Variants in ZBTB16 observed in about 807,000 individuals in gnomAD.
The protein encoded by ZBTB16 is zinc finger and BTB domain-containing protein 16.
ZBTB16 carries 8 observed loss-of-function variants against 56.8 expected under a neutral mutation model. That is an observed-to-expected ratio of 0.14 (90% CI 0.08 to 0.25). ZBTB16 has a LOEUF of 0.25. Ranked by LOEUF, ZBTB16 falls within the 10% of genes least tolerant of loss-of-function variation. The pLI is 1.00. For missense variants in ZBTB16, 625 were observed against 903.0 expected (o/e 0.69, Z 3.95); for synonymous variants, 363 against 368.5 (o/e 0.98, Z 0.17).
chr11:114,199,607 G>GC (rs1943688632), intron 4 of ZBTB16, among the ~76,000 whole-genome samples: 2 of 152,242 alleles, frequency 1.3e-5, no homozygotes, highest in Non-Finnish European at 2.9e-5. Context: ...TCCTGGCTCT[G>GC]CTATGGACTT....
intron 2 of ZBTB16, among the ~76,000 whole-genome samples, chr11:114,104,719 G>C (rs907370660): frequency 6.6e-6 from 1 of 152,216 alleles, no homozygotes; most frequent in Non-Finnish European, 1.5e-5. Flanking sequence ...TGCGAAATAG[G>C]AAACATCATT....
rs79664299 is a variant in ZBTB16 at position 114,115,118 on chromosome 11, A to C, written c.1269-41219A>C. 2.3e-3 allele frequency among the ~76,000 whole-genome samples: 344 copies of C among 152,158 alleles called. 6 individuals carry two copies. In the East Asian group the frequency reaches 0.052, roughly 23 times the overall value. On this transcript the variant is annotated intron_variant, in intron 2 of 6. Transcript: ENST00000335953. ...TGTGTAAGGATGGAATATTGCTGCA[A>C]ACCTGTATACTTCTTTAATTTCTCT...
At chr11:114,073,117 C>T (rs1939411268) in intron 2 of ZBTB16, among the ~76,000 whole-genome samples, 1 of 151,068 alleles carries the variant, frequency 6.6e-6, no homozygotes, top group Admixed American at 6.6e-5. Flanking sequence ...TGGCTCCATG[C>T]TCTCTGCAGC....
At chr11:114,191,947 C>A (rs593038) in intron 4 of ZBTB16, among the ~76,000 whole-genome samples, 88,712 of 152,026 alleles carry the variant, frequency 0.58, 26,359 homozygotes, top group African/African-American at 0.67. Context: ...TCTTGTGTTG[C>A]GGACTGACCA....
At chr11:114,168,831 T>A (rs1380255296) in intron 3 of ZBTB16, among the ~76,000 whole-genome samples, 1 of 152,232 alleles carries the variant, frequency 6.6e-6, no homozygotes, top group East Asian at 1.9e-4. Flanking sequence ...AGTAATTGGC[T>A]GCTGCCTGTG....
At chr11:114,198,184 A>T (rs1943650296) in intron 4 of ZBTB16, among the ~76,000 whole-genome samples, 1 of 152,192 alleles carries the variant, frequency 6.6e-6, no homozygotes, top group Non-Finnish European at 1.5e-5. Context: ...TATAAATATC[A>T]GAGGTGATTT....
chr11:114,235,805 T>TG (rs1230724676), intron 4 of ZBTB16, among the ~76,000 whole-genome samples: 2 of 150,094 alleles, frequency 1.3e-5, no homozygotes, highest in East Asian at 3.9e-4. Context: ...TTTTTTTTTT[T>TG]GCTAAAATTA....
At chr11:114,085,328 A>G (rs574134742) in intron 2 of ZBTB16, among the ~76,000 whole-genome samples, 1 of 152,344 alleles carries the variant, frequency 6.6e-6, no homozygotes, top group African/African-American at 2.4e-5. Flanking sequence ...TGGTTCGAGG[A>G]GGTCCCCCAA....
chr11:114,227,933 T>C (rs2135164617), intron 4 of ZBTB16, among the ~76,000 whole-genome samples: 1 of 152,314 alleles, frequency 6.6e-6, no homozygotes, highest in African/African-American at 2.4e-5. Context: ...ATTAGCATTG[T>C]CATGCAACCA....
intron 2 of ZBTB16, among the ~76,000 whole-genome samples, chr11:114,133,172 C>T (rs946854519): frequency 3.3e-5 from 5 of 152,026 alleles, no homozygotes; most frequent in African/African-American, 1.2e-4. Flanking sequence ...TGACTGGTGT[C>T]CTGCCTCGCT....
At chr11:114,105,089 A>G (rs1338520677) in intron 2 of ZBTB16, among the ~76,000 whole-genome samples, 1 of 152,212 alleles carries the variant, frequency 6.6e-6, no homozygotes, top group African/African-American at 2.4e-5. Context: ...TGTTAGGTAG[A>G]CATAGTGGTA....
chr11:114,124,746 TC>T (rs1941455479), intron 2 of ZBTB16, among the ~76,000 whole-genome samples: 1 of 152,170 alleles, frequency 6.6e-6, no homozygotes, highest in Admixed American at 6.5e-5. Flanking sequence ...TGAAAATCTC[TC>T]CGTTCTAATG....
chr11:114,180,081 G>A (rs765020672), intron 3 of ZBTB16, among the ~76,000 whole-genome samples: 5 of 152,188 alleles, frequency 3.3e-5, no homozygotes, highest in East Asian at 3.8e-4. Flanking sequence ...CCTCAGTCCC[G>A]CCTCTGGCAT....
chr11:114,150,228 C>T (rs748668092), intron 2 of ZBTB16, among the ~76,000 whole-genome samples: 9 of 152,140 alleles, frequency 5.9e-5, no homozygotes, highest in African/African-American at 9.7e-5. Context: ...GGAACATTCC[C>T]CAGAGTATCC....
At chr11:114,243,015 C>G (rs1231883324) in intron 5 of ZBTB16, among the ~76,000 whole-genome samples, 1 of 152,192 alleles carries the variant, frequency 6.6e-6, no homozygotes. Context: ...CCATTCCCTG[C>G]CACCAGCCTC....
chr11:114,209,870 G>A, intron 4 of ZBTB16: 2 of 985,378 alleles, frequency 2.0e-6, no homozygotes, highest in Non-Finnish European at 2.4e-6. Context: ...TTGTTGAGGG[G>A]ACCCCATATT....
At chr11:114,156,238 A>G (rs1316456969) in intron 2 of ZBTB16, 99 bp from the exon 3 acceptor site, 1 of 1,199,246 alleles carries the variant, frequency 8.3e-7, no homozygotes, top group African/African-American at 1.5e-5. Flanking sequence ...TCCGCCTGTC[A>G]CCTGCCAGAG....
intron 2 of ZBTB16, among the ~76,000 whole-genome samples, chr11:114,071,031 C>T (rs906534279): frequency 1.3e-5 from 2 of 152,108 alleles, no homozygotes; most frequent in Non-Finnish European, 1.5e-5. Context: ...TTTTTTTCAT[C>T]GTGAGCCTTA....
intron 2 of ZBTB16, among the ~76,000 whole-genome samples, chr11:114,086,290 C>T (rs1939954870): frequency 6.6e-6 from 1 of 152,148 alleles, no homozygotes; most frequent in African/African-American, 2.4e-5. Flanking sequence ...CCCCCACCCC[C>T]ACTGGCACTT....
Sources: allele counts gnomAD v4.1 joint callset (sites outside exome capture counted in the v4.1 genomes callset), GRCh38; gene constraint gnomAD v4.1.1; transcripts MANE v1.5; gene names NCBI Gene and HGNC (gene_info 2026-07-23, HGNC 2026-07-21).